Variants in PABPC1L observed in about 807,000 individuals in gnomAD.
PABPC1L encodes poly(A) binding protein cytoplasmic 1 like.
Under a neutral mutation model 66.6 loss-of-function variants are expected in PABPC1L, and 31 were observed. That is an observed-to-expected ratio of 0.47 (90% CI 0.35 to 0.63). The LOEUF (loss-of-function observed/expected upper bound fraction) is 0.63, where lower values mean the gene tolerates loss of function less well. Among genes scored for constraint, PABPC1L ranks in the 20% least tolerant of loss-of-function variants. PABPC1L has a pLI of 0.00. For missense variants in PABPC1L, 722 were observed against 848.8 expected (o/e 0.85, Z 1.86); for synonymous variants, 348 against 335.1 (o/e 1.04, Z -0.42).
Position 44,924,266 on chromosome 20 carries a change from G to A in PABPC1L, c.972+10G>A, listed in dbSNP as rs1219435602. Reference sequence around the variant, plus strand: ...AATTACCAGTGCGAAGGTGAGGACTGGGGGCACCTCCGGGGGACAGCGTTC... The same window carrying A: ...AATTACCAGTGCGAAGGTGAGGACTAGGGGCACCTCCGGGGGACAGCGTTC... On this transcript the variant is annotated intron_variant, in intron 7 of 14. Transcript: ENST00000217073. 4 of 1,597,554 alleles carry A rather than the reference G, an allele frequency of 2.5e-6. No homozygotes were observed. The African/African-American group carries it at 5.4e-5, about 21-fold the overall frequency.
chr20:44,914,379 T>G (rs1183334028), intron 2 of PABPC1L, among the ~76,000 whole-genome samples: 1 of 152,032 alleles, frequency 6.6e-6, no homozygotes, highest in African/African-American at 2.4e-5. Context: ...GCTAATTTTT[T>G]TTGTATTTTT....
intron 9 of PABPC1L, 163 bp from the exon 10 acceptor site, chr20:44,932,894 A>C (rs976872864): frequency 1.0e-5 from 6 of 594,034 alleles, no homozygotes; most frequent in African/African-American, 3.7e-5. Flanking sequence ...CCCTTTCTGG[A>C]GTTCTGGGTC....
chr20:44,916,964 T>G (rs1010408081), intron 3 of PABPC1L, 93 bp downstream of exon 3: 1 of 1,243,286 alleles, frequency 8.0e-7, no homozygotes. Context: ...AAGCTGCTAA[T>G]GGGCACCAGG....
At chr20:44,910,745 T>A (rs1428511178) in intron 1 of PABPC1L, among the ~76,000 whole-genome samples, 1 of 152,132 alleles carries the variant, frequency 6.6e-6, no homozygotes, top group East Asian at 1.9e-4. Context: ...TCAAAGCACC[T>A]GGTGAGGAAG....
rs2066794010 is a variant in PABPC1L, at chr20:44,924,318, C to A, written c.972+62C>A. 4 of 1,289,616 alleles carry A rather than the reference C, an allele frequency of 3.1e-6. No homozygotes were observed. In the East Asian group the frequency reaches 6.9e-5, roughly 22 times the overall value. The allele number at this position is 1,289,616 out of a possible 1,614,324, so 79.9% of individuals were successfully genotyped here. On this transcript the variant is annotated intron_variant, in intron 7 of 14. Transcript: ENST00000217073. ...CCTCCATCCTCTCACCACCATCCCC[C>A]CACAACCCCACCCCTCCACCCTCTC...
chr20:44,936,651 T>A lies in PABPC1L; in HGVS notation c.1581T>A (p.Ala527=). 6.2e-7 allele frequency: 1 copy of A among 1,600,532 alleles called. No homozygotes were observed. The highest frequency in any genetic ancestry group is 1.3e-5 in the African/African-American group (1 of 74,966). Residue 527 remains alanine, a synonymous_variant, in exon 12 of 15, where the codon GCT becomes GCA. Transcript: ENST00000217073. ...GCACCATGCAGGTCCAGGAGCCGGC[T>A]GTGCACATCCCAGGACAGGAGCCCC... is the stretch of plus-strand genomic sequence containing the variant. The part of the protein sequence containing the change: ...AHSTYRVQEP[A]VHIPGQEPLT...
intron 3 of PABPC1L, among the ~76,000 whole-genome samples, chr20:44,917,850 T>G (rs962049612): frequency 6.6e-6 from 1 of 152,240 alleles, no homozygotes; most frequent in African/African-American, 2.4e-5. Flanking sequence ...AGAAGAATGC[T>G]CTTCGTTAGC....
chr20:44,921,723 C>T lies in PABPC1L; in HGVS notation c.868C>T (p.Arg290Cys), dbSNP rs201793065. 41 of 1,613,308 alleles carry T rather than the reference C, an allele frequency of 2.5e-5. No individual in the cohort carries two copies. The East Asian group carries it at 7.2e-4, about 28-fold the overall frequency. The change falls in exon 6 of 15, where the codon CGT becomes TGT. Residue 290 changes from arginine to cysteine, a missense_variant. By Grantham distance (180) the Arg-to-Cys change is radical (BLOSUM62 -3). Around this residue, in one of 3 missense-constraint regions of PABPC1L, gnomAD observed 137 missense variants for 216.8 expected, o/e 0.63. Transcript: ENST00000217073. ...FEQMKQDRLR[R>C]YQGVNLYVKN... ...GCAGATGAAGCAGGACCGGCTGAGG[C>T]GTTACCAGGTGAGGTCAGGCTTCCT...
rs151115114 is a variant in PABPC1L, at chr20:44,930,656, G to A, written c.1169G>A (p.Arg390Gln). 21 of 1,614,150 alleles carry A rather than the reference G, an allele frequency of 1.3e-5. No individual in the cohort carries two copies. Among genetic ancestry groups the A allele is most frequent in the Non-Finnish European group, 1.7e-5 (20 of 1,180,034 alleles). The change falls in exon 8 of 15, where the codon CGG (arginine) becomes CAG (glutamine). Residue 390 changes from arginine (R) to glutamine (Q), a missense_variant. By Grantham distance (43) the Arg-to-Gln change is conservative (BLOSUM62 1). This residue lies in a region of PABPC1L where 301 missense variants were observed against 337.2 expected (regional missense o/e 0.89). Transcript: ENST00000217073. Reference sequence around the variant, plus strand: ...TACATGCAGCGCCTCTCCACCATGCGGACCCTGAGCAACCCCCTCCTGGGC... The same window carrying A: ...TACATGCAGCGCCTCTCCACCATGCAGACCCTGAGCAACCCCCTCCTGGGC... ...NQYMQRLSTM[R>Q]TLSNPLLGSF...
At chr20:44,937,011 G>A (rs577387882) in intron 12 of PABPC1L, 1 of 561,312 alleles carries the variant, frequency 1.8e-6, no homozygotes, top group South Asian at 1.5e-5. Context: ...GAGATCAGGG[G>A]ACAAAGGGAG....
chr20:44,938,261 G>C (rs1411626347), intron 13 of PABPC1L, 70 bp downstream of exon 13: 2 of 1,541,588 alleles, frequency 1.3e-6, no homozygotes, highest in African/African-American at 1.4e-5. Flanking sequence ...GGCTCTCCTA[G>C]TGGAGCCAGT....
intron 14 of PABPC1L, 23 bp from the exon 15 acceptor site, chr20:44,939,103 T>G (rs1182328947): frequency 1.4e-6 from 1 of 717,608 alleles, no homozygotes; most frequent in Non-Finnish European, 2.6e-6. Context: ...TAAAAACACT[T>G]ATTTTTACCT....
Position 44,930,469 on chromosome 20 carries a change from G to C in PABPC1L, c.982G>C (p.Glu328Gln). The change falls in exon 8 of 15, where the codon GAG (glutamate) becomes CAG (glutamine). Residue 328 changes from glutamate (E) to glutamine (Q), a missense_variant. Transcript: ENST00000217073. ...CTTGTCTTGCTTTTAGGTGATGACA[G>C]AGGGTGGCCACAGCAAGGGGTTTGG... Reference protein sequence around the residue: ...GVITSAKVMTEGGHSKGFGFV... With the variant: ...GVITSAKVMTQGGHSKGFGFV... The C allele has an allele frequency of 6.2e-7, 1 of 1,613,506 alleles. No individual in the cohort carries two copies. The highest frequency in any genetic ancestry group is 8.5e-7 in the Non-Finnish European group (1 of 1,179,550).
chr20:44,928,344 A>G (rs547519179), intron 7 of PABPC1L, among the ~76,000 whole-genome samples: 40 of 152,204 alleles, frequency 2.6e-4, no homozygotes, highest in Non-Finnish European at 4.1e-4. Flanking sequence ...AAGTGCTGGG[A>G]TTACAGGCAT....
At chr20:44,923,349 G>A (rs2868216) in intron 6 of PABPC1L, among the ~76,000 whole-genome samples, 8,316 of 152,220 alleles carry the variant, frequency 0.055, 429 homozygotes, top group South Asian at 0.22. Context: ...GTGGCCTGTC[G>A]TGGTGGCTCG....
intron 1 of PABPC1L, among the ~76,000 whole-genome samples, chr20:44,912,385 G>A (rs1465695190): frequency 6.6e-6 from 1 of 152,194 alleles, no homozygotes; most frequent in Admixed American, 6.5e-5. Context: ...AAAATGAGGG[G>A]CAGGAATCCA....
At chr20:44,921,323 T>G (rs2066771534) in intron 5 of PABPC1L, among the ~76,000 whole-genome samples, 1 of 152,092 alleles carries the variant, frequency 6.6e-6, no homozygotes, top group Non-Finnish European at 1.5e-5. Flanking sequence ...TAATTTTGTA[T>G]TTTTAGTAGA....
In PABPC1L at chr20:44,910,172, T is replaced by C. The variant is rs749246192; in HGVS notation, c.29T>C (p.Leu10Pro). 1.3e-6 allele frequency: 2 copies of C among 1,576,522 alleles called. No individual in the cohort carries two copies. Reference sequence around the variant, plus strand: ...AACGCCAGCGGTTCTGGCTACCCGCTTGCCTCGCTTTACGTGGGCGATCTG... The same window carrying C: ...AACGCCAGCGGTTCTGGCTACCCGCCTGCCTCGCTTTACGTGGGCGATCTG... MNASGSGYP[L>P]ASLYVGDLHP... Residue 10 changes from leucine to proline, a missense_variant, in exon 1 of 15, where the codon CTT becomes CCT. Physicochemically the swap from Leu to Pro is moderately conservative, Grantham distance 98. Coordinates refer to ENST00000217073, the MANE Select transcript of PABPC1L (RefSeq NM_001372179.1).
intron 12 of PABPC1L, chr20:44,937,054 A>C: frequency 2.0e-6 from 1 of 499,750 alleles, no homozygotes; most frequent in Non-Finnish European, 4.0e-6. Flanking sequence ...TTCTGCTGAG[A>C]AATGGCTTGT....
Sources: allele counts gnomAD v4.1 joint callset (sites outside exome capture counted in the v4.1 genomes callset), GRCh38; gene constraint gnomAD v4.1.1; regional missense constraint gnomAD v4.1.1; transcripts MANE v1.5; gene names NCBI Gene and HGNC (gene_info 2026-07-23, HGNC 2026-07-21).